The following RAP1GDS1 variants were observed in gnomAD, a reference collection of about 807,000 sequenced individuals.
RAP1GDS1 encodes RAP1, GTP-GDP dissociation stimulator 1.
RAP1GDS1 carries 35 observed loss-of-function variants against 71.1 expected under a neutral mutation model. That is an observed-to-expected ratio of 0.49 (90% confidence interval 0.38 to 0.65). The LOEUF (loss-of-function observed/expected upper bound fraction) is 0.65. Among genes scored for constraint, RAP1GDS1 ranks in the 30% least tolerant of loss-of-function variants. The probability of loss-of-function intolerance (pLI) is 0.00; values close to 1 mark genes in which losing one functional copy is unlikely to be tolerated. For missense variants in RAP1GDS1, 663 were observed against 706.1 expected (o/e 0.94, Z 0.69); for synonymous variants, 229 against 243.1 (o/e 0.94, Z 0.54).
intron 7 of RAP1GDS1, among the ~76,000 whole-genome samples, chr4:98,413,029 C>T (rs769990317): frequency 5.9e-5 from 9 of 152,026 alleles, no homozygotes; most frequent in African/African-American, 9.7e-5. Flanking sequence ...AAACAGCGTT[C>T]GAGAGCAGAG....
chr4:98,355,968 C>G (rs1253706512), intron 4 of RAP1GDS1, among the ~76,000 whole-genome samples: 2 of 152,130 alleles, frequency 1.3e-5, no homozygotes, highest in East Asian at 3.8e-4. Context: ...GGTCTCTTTT[C>G]TTCCAGAGAG....
chr4:98,319,778 CAAAAAAAAA>C (rs35696332), intron 2 of RAP1GDS1, among the ~76,000 whole-genome samples: 3 of 79,226 alleles, frequency 3.8e-5, no homozygotes, highest in African/African-American at 1.3e-4. Flanking sequence ...GAGAATGTCT[CAAAAAAAAA>C]AAAAAAAAAA....
intron 4 of RAP1GDS1, among the ~76,000 whole-genome samples, chr4:98,360,305 T>C (rs557529098): frequency 1.6e-4 from 25 of 152,260 alleles, no homozygotes; most frequent in Non-Finnish European, 2.8e-4. Flanking sequence ...AAATATTAGA[T>C]GATTTTTCTT....
rs766458932 is a variant in RAP1GDS1 at position 98,379,166 on chromosome 4, AAAC to A, written c.508+6_508+8del. 1.5e-5 allele frequency: 24 copies of A among 1,569,636 alleles called. No homozygotes were observed. The highest frequency in any genetic ancestry group is 2.0e-5 in the Admixed American group (1 of 50,660). On this transcript the variant is annotated splice_donor_5th_base_variant and intron_variant, in intron 5 of 14. Transcript: ENST00000408927. The stretch of plus-strand genomic sequence containing the variant: ...GATGAACTATAGCAATGAGAATGGT[AAAC>A]AAAACTGAAAACTTGCTTTATCTCT...
chr4:98,391,844 T>TAAC, intron 5 of RAP1GDS1, 108 bp from the exon 6 acceptor site: 2 of 1,073,526 alleles, frequency 1.9e-6, no homozygotes, highest in Non-Finnish European at 2.5e-6. Context: ...GTAATTTAAA[T>TAAC]AACTTTGAGT....
At chr4:98,409,619 A>T (rs1368140765) in intron 7 of RAP1GDS1, 4 of 232,712 alleles carry the variant, frequency 1.7e-5, no homozygotes, top group Non-Finnish European at 2.6e-5. Flanking sequence ...GAAAGATAGG[A>T]AAAGAAAAAG....
At position 98,299,100 on chromosome 4, in the gene RAP1GDS1, C is replaced by T. The variant is rs1235387393; in HGVS notation, c.112+5585C>T. Among the ~76,000 whole-genome samples, 22 of 152,088 alleles carry T rather than the reference C, an allele frequency of 1.4e-4. 1 individual carries two copies. The East Asian group carries it at 1.5e-3, about 11-fold the overall frequency. ...AGGCCCTGGTGTGTGATGTTCCCCC[C>T]GCTGTGTCCAAGTGTTCTCATTGTT... is the stretch of plus-strand genomic sequence containing the variant. On this transcript the variant is annotated intron_variant, in intron 2 of 14. Coordinates refer to ENST00000408927, the MANE Select transcript of RAP1GDS1 (RefSeq NM_001100427.2).
chr4:98,281,820 G>A (rs186496473), intron 1 of RAP1GDS1, among the ~76,000 whole-genome samples: 1 of 152,106 alleles, frequency 6.6e-6, no homozygotes, highest in African/African-American at 2.4e-5. Context: ...TAGCATGAAG[G>A]GCTGTTGAAT....
At chr4:98,336,998 G>A (rs565651344) in intron 2 of RAP1GDS1, among the ~76,000 whole-genome samples, 4 of 152,166 alleles carry the variant, frequency 2.6e-5, no homozygotes, top group Admixed American at 1.3e-4. Flanking sequence ...AGGTTCAAGC[G>A]ATTCTTATGC....
intron 2 of RAP1GDS1, among the ~76,000 whole-genome samples, chr4:98,309,872 G>T (rs1166636811): frequency 6.7e-6 from 1 of 150,246 alleles, no homozygotes; most frequent in Non-Finnish European, 1.5e-5. Context: ...ATTTTCTAGG[G>T]TAATATATGT....
intron 12 of RAP1GDS1, among the ~76,000 whole-genome samples, chr4:98,423,228 A>G (rs1384869189): frequency 3.9e-5 from 6 of 152,204 alleles, no homozygotes; most frequent in Non-Finnish European, 8.8e-5. Context: ...GTTAACTAGG[A>G]ATCTCAGGAG....
intron 4 of RAP1GDS1, among the ~76,000 whole-genome samples, chr4:98,374,371 C>T (rs965945649): frequency 9.2e-5 from 14 of 152,108 alleles, no homozygotes; most frequent in Admixed American, 8.5e-4. Context: ...CCATTTTCTC[C>T]AAAATTTCAC....
At chr4:98,348,355 CCAGT>C (rs1317992016) in intron 3 of RAP1GDS1, among the ~76,000 whole-genome samples, 5 of 152,146 alleles carry the variant, frequency 3.3e-5, no homozygotes, top group Non-Finnish European at 7.3e-5. Flanking sequence ...TTTTCTTAAT[CCAGT>C]CTATCATTGA....
chr4:98,296,762 T>A (rs144192950), intron 2 of RAP1GDS1, among the ~76,000 whole-genome samples: 1 of 152,182 alleles, frequency 6.6e-6, no homozygotes, highest in African/African-American at 2.4e-5. Flanking sequence ...CCACCTATTT[T>A]CATCCCCAAA....
At chr4:98,290,131 A>G (rs940037199) in intron 1 of RAP1GDS1, among the ~76,000 whole-genome samples, 1 of 152,174 alleles carries the variant, frequency 6.6e-6, no homozygotes, top group Non-Finnish European at 1.5e-5. Context: ...ACACATATCT[A>G]TCTATATACC....
intron 2 of RAP1GDS1, among the ~76,000 whole-genome samples, chr4:98,330,301 C>T (rs1312690862): frequency 2.0e-5 from 3 of 152,238 alleles, no homozygotes; most frequent in Admixed American, 2.0e-4. Flanking sequence ...AAACCGGTAT[C>T]GTCATCATGG....
chr4:98,402,800 A>G (rs1745619139), intron 6 of RAP1GDS1, among the ~76,000 whole-genome samples: 1 of 152,182 alleles, frequency 6.6e-6, no homozygotes, highest in South Asian at 2.1e-4. Flanking sequence ...CCTGCTTTAT[A>G]CCAGGGACTA....
intron 1 of RAP1GDS1, among the ~76,000 whole-genome samples, chr4:98,266,505 A>G (rs1204675465): frequency 2.0e-5 from 3 of 152,082 alleles, no homozygotes; most frequent in Non-Finnish European, 4.4e-5. Flanking sequence ...TTTTGCCTGT[A>G]TTTCCAAGTC....
chr4:98,391,914 C>A, intron 5 of RAP1GDS1, 38 bp from the exon 6 acceptor site: 1 of 1,536,646 alleles, frequency 6.5e-7, no homozygotes. Context: ...CATGTCAACA[C>A]TTTCTTTTCT....
Sources: allele counts gnomAD v4.1 joint callset (sites outside exome capture counted in the v4.1 genomes callset), GRCh38; gene constraint gnomAD v4.1.1; transcripts MANE v1.5; gene names NCBI Gene and HGNC (gene_info 2026-07-23, HGNC 2026-07-21).